The following PAK5 variants were observed in gnomAD, a reference collection of about 807,000 sequenced individuals.
PAK5 encodes the protein serine/threonine-protein kinase PAK 5.
A neutral mutation model predicts 65.9 loss-of-function variants in PAK5; 16 were observed. The ratio of observed to expected loss-of-function variants is 0.24; its 90% CI spans 0.16 to 0.37. PAK5 has a LOEUF of 0.37. Ranked by LOEUF, PAK5 falls within the 10% of genes least tolerant of loss-of-function variation. The pLI is 1.00. For missense variants in PAK5, 785 were observed against 903.9 expected (o/e 0.87, Z 1.69); for synonymous variants, 371 against 354.9 (o/e 1.05, Z -0.51).
At position 9,750,498 on chromosome 20, in the gene PAK5, G is replaced by A. The variant is rs183660888; in HGVS notation, c.-161-39063C>T. Among the ~76,000 whole-genome samples, 6 of 152,198 alleles carry A rather than the reference G, an allele frequency of 3.9e-5. No homozygotes were observed. The East Asian group carries it at 7.7e-4, about 20-fold the overall frequency. On this transcript the variant is annotated intron_variant, in intron 1 of 9. Transcript: ENST00000353224. The stretch of plus-strand genomic sequence containing the variant: ...TTGTATAAAGCACTATGTATTTGAC[G>A]AAATACAACTACTCATTATATGGTA...
rs1370168094 is a variant in PAK5, at chr20:9,580,653, C to G, written c.482G>C (p.Arg161Thr). 3.7e-6 allele frequency: 6 copies of G among 1,613,954 alleles called. No homozygotes were observed. The highest frequency in any genetic ancestry group is 5.1e-6 in the Non-Finnish European group (6 of 1,180,018). Residue 161 changes from arginine to threonine, a missense_variant, in exon 4 of 10, where the codon AGA (arginine) becomes ACA (threonine). Physicochemically the swap from Arg to Thr is moderately conservative, Grantham distance 71. This residue lies in a region of PAK5 where 422 missense variants were observed against 413.3 expected (regional missense o/e 1.02). Coordinates refer to ENST00000353224, the MANE Select transcript of PAK5 (RefSeq NM_177990.4). ...ATTTTGCTTGGCTGCGTGGCTGCCT[C>G]TATAATACGGATCCAGATCATCTCC... ...LYGDDLDPYY[R>T]GSHAAKQNGH...
In PAK5 at chr20:9,566,193, G is replaced by A. The variant is rs779003250; in HGVS notation, c.1182C>T (p.Tyr394=). 1.2e-6 allele frequency: 2 copies of A among 1,613,932 alleles called. No individual in the cohort carries two copies. Among genetic ancestry groups the A allele is most frequent in the South Asian group, 1.1e-5 (1 of 91,068 alleles). ...AGCTCAGGTAGGAAGCCGTGGAGATGTACTGCGAACTGCTCTGCAGGGAGG... is the reference window on the plus strand; with the variant it reads ...AGCTCAGGTAGGAAGCCGTGGAGATATACTGCGAACTGCTCTGCAGGGAGG... ...HHPSLQSSSQ[Y]ISTASYLSSL... Residue 394 remains tyrosine, a synonymous_variant, in exon 5 of 10, where the codon TAC becomes TAT. Coordinates refer to ENST00000353224, the MANE Select transcript of PAK5 (RefSeq NM_177990.4).
At chr20:9,731,915 A>G (rs950813363) in intron 1 of PAK5, among the ~76,000 whole-genome samples, 1 of 152,186 alleles carries the variant, frequency 6.6e-6, no homozygotes, top group East Asian at 1.9e-4. Context: ...AATAATATAG[A>G]AAGTCTGAAG....
intron 3 of PAK5, among the ~76,000 whole-genome samples, chr20:9,611,493 C>T (rs1600139804): frequency 6.6e-6 from 1 of 152,218 alleles, no homozygotes; most frequent in South Asian, 2.1e-4. Context: ...ATTTGCCACC[C>T]CAATCATCAA....
intron 3 of PAK5, among the ~76,000 whole-genome samples, chr20:9,618,914 C>CTTTTTTTTTTT (rs2046714022): frequency 4.6e-5 from 1 of 21,852 alleles, no homozygotes; most frequent in Non-Finnish European, 9.0e-5. Flanking sequence ...CTCTTTCTTT[C>CTTTTTTTTTTT]GTTTTTTTTT....
At chr20:9,794,903 C>T (rs2206481) in intron 1 of PAK5, among the ~76,000 whole-genome samples, 1 of 151,726 alleles carries the variant, frequency 6.6e-6, no homozygotes, top group Non-Finnish European at 1.5e-5. Flanking sequence ...CACTCTCATT[C>T]CCTTTCCTAC....
chr20:9,830,630 C>T (rs564948614), intron 1 of PAK5, among the ~76,000 whole-genome samples: 1 of 152,260 alleles, frequency 6.6e-6, no homozygotes, highest in Admixed American at 6.5e-5. Flanking sequence ...AGGATTTTCT[C>T]TTACCTGAGA....
intron 5 of PAK5, 58 bp from the exon 6 acceptor site, chr20:9,563,082 T>A (rs2045617316): frequency 2.0e-6 from 3 of 1,502,392 alleles, no homozygotes; most frequent in Non-Finnish European, 2.8e-6. Context: ...TTTTGTTCTC[T>A]TGTGGCCACA....
At chr20:9,579,247 G>A (rs2045937848) in intron 4 of PAK5, among the ~76,000 whole-genome samples, 1 of 152,150 alleles carries the variant, frequency 6.6e-6, no homozygotes, top group East Asian at 1.9e-4. Context: ...AGACCTCTAT[G>A]TAATCCACAT....
At chr20:9,571,943 C>T (rs573752088) in intron 4 of PAK5, among the ~76,000 whole-genome samples, 1 of 150,964 alleles carries the variant, frequency 6.6e-6, no homozygotes, top group South Asian at 2.1e-4. Context: ...AGAGATAAAG[C>T]CTGGTCAGGG....
At chr20:9,727,473 C>T (rs1178159396) in intron 1 of PAK5, among the ~76,000 whole-genome samples, 2 of 152,152 alleles carry the variant, frequency 1.3e-5, no homozygotes, top group Non-Finnish European at 2.9e-5. Flanking sequence ...ATTATGCAAA[C>T]ATCCTGCTCT....
intron 2 of PAK5, among the ~76,000 whole-genome samples, chr20:9,648,835 C>G (rs1232484208): frequency 6.6e-6 from 1 of 152,090 alleles, no homozygotes; most frequent in East Asian, 1.9e-4. Flanking sequence ...CTTAGGGAAC[C>G]CAGTTGGTGT....
chr20:9,631,298 C>A (rs2046917848), intron 3 of PAK5, among the ~76,000 whole-genome samples: 1 of 152,128 alleles, frequency 6.6e-6, no homozygotes, highest in Admixed American at 6.5e-5. Flanking sequence ...GAGGCTGTCC[C>A]TTCTGTGTCG....
Position 9,703,148 on chromosome 20 carries a change from G to T in PAK5, c.-12+8138C>A, listed in dbSNP as rs1390967487. ...AAGAACTTGTGGCATTTCCTCATTT[G>T]CTGTAGGCCATCAGAACATACAGGA... is the stretch of plus-strand genomic sequence containing the variant. On this transcript the variant is annotated intron_variant, in intron 2 of 9. Coordinates refer to ENST00000353224, the MANE Select transcript of PAK5 (RefSeq NM_177990.4). Among the ~76,000 whole-genome samples the T allele has an allele frequency of 2.6e-5, 4 of 152,160 alleles. 1 individual carries two copies. Among genetic ancestry groups the T allele is most frequent in the Admixed American group, 2.6e-4 (4 of 15,264 alleles).
At chr20:9,699,178 GTTGT>G (rs1189448892) in intron 2 of PAK5, among the ~76,000 whole-genome samples, 3 of 152,128 alleles carry the variant, frequency 2.0e-5, no homozygotes, top group Non-Finnish European at 4.4e-5. Flanking sequence ...CTATTTACAG[GTTGT>G]TTGAAATACA....
chr20:9,692,760 G>A (rs780583975), intron 2 of PAK5, among the ~76,000 whole-genome samples: 1 of 152,048 alleles, frequency 6.6e-6, no homozygotes, highest in South Asian at 2.1e-4. Flanking sequence ...TGGGAGGAAG[G>A]ATGTTATCCT....
intron 3 of PAK5, among the ~76,000 whole-genome samples, chr20:9,641,789 A>G (rs1403096088): frequency 1.3e-5 from 2 of 152,130 alleles, no homozygotes; most frequent in Non-Finnish European, 2.9e-5. Context: ...GTGGGCCGGC[A>G]CTGCTGGGGG....
chr20:9,545,575 C>A (rs1348192970), intron 7 of PAK5, among the ~76,000 whole-genome samples: 5 of 152,144 alleles, frequency 3.3e-5, no homozygotes, highest in Non-Finnish European at 7.4e-5. Context: ...CCTCTTCCAA[C>A]CTTTTTTTTC....
intron 2 of PAK5, among the ~76,000 whole-genome samples, chr20:9,650,193 G>A (rs1419662608): frequency 2.0e-5 from 3 of 152,224 alleles, no homozygotes; most frequent in African/African-American, 7.2e-5. Context: ...GGGACTGGAT[G>A]ATCTGAATGT....
Sources: allele counts gnomAD v4.1 joint callset (sites outside exome capture counted in the v4.1 genomes callset), GRCh38; gene constraint gnomAD v4.1.1; regional missense constraint gnomAD v4.1.1; transcripts MANE v1.5; gene names NCBI Gene and HGNC (gene_info 2026-07-23, HGNC 2026-07-21).